PCDH7: variants seen among roughly 807,000 people sequenced by gnomAD.
PCDH7 encodes protocadherin 7.
A neutral mutation model predicts 58.9 loss-of-function variants in PCDH7; 17 were observed. The ratio of observed to expected loss-of-function variants is 0.29; its 90% confidence interval spans 0.20 to 0.43. PCDH7 has a LOEUF of 0.43. Among genes scored for constraint, PCDH7 ranks in the 20% least tolerant of loss-of-function variants. The pLI, the probability that PCDH7 is intolerant of heterozygous loss-of-function variation, is 1.00. For synonymous variants in PCDH7, 664 were observed against 616.4 expected (o/e 1.08, Z -1.14); for missense variants, 1,274 against 1,441.0 (o/e 0.88, Z 1.88).
Position 30,750,122 on chromosome 4 carries a change from G to T in PCDH7, c.70+25526G>T, listed in dbSNP as rs572552105. 7.9e-5 allele frequency among the ~76,000 whole-genome samples: 12 copies of T among 152,246 alleles called. 1 individual carries two copies. The highest frequency in any genetic ancestry group is 2.9e-4 in the African/African-American group (12 of 41,558). Reference sequence around the variant, plus strand: ...TTATTCTGCATAGAATGTAGATAATGCCATGTTAGGGAATTTCTGATCTAT... The same window carrying T: ...TTATTCTGCATAGAATGTAGATAATTCCATGTTAGGGAATTTCTGATCTAT... On this transcript the variant is annotated intron_variant, in intron 1 of 3. Coordinates refer to the PCDH7 transcript ENST00000509759.
intron 3 of PCDH7, among the ~76,000 whole-genome samples, chr4:31,032,644 CAGAG>C (rs1182132811): frequency 3.1e-5 from 3 of 95,840 alleles, no homozygotes; most frequent in East Asian, 6.0e-4. Context: ...AAGAAAGCGA[CAGAG>C]AGAGAGAGAG....
chr4:30,822,173 G>A (rs1434372221), intron 1 of PCDH7, among the ~76,000 whole-genome samples: 2 of 152,128 alleles, frequency 1.3e-5, no homozygotes, highest in Admixed American at 1.3e-4. Flanking sequence ...GGTCATGAGA[G>A]TGCCCTCCCA....
intron 3 of PCDH7, among the ~76,000 whole-genome samples, chr4:30,969,461 C>T (rs1689528406): frequency 6.6e-6 from 1 of 151,934 alleles, no homozygotes; most frequent in South Asian, 2.1e-4. Context: ...AATTGCTAAA[C>T]CAAATGAAGC....
chr4:31,001,116 G>T (rs371003644), intron 3 of PCDH7, among the ~76,000 whole-genome samples: 1 of 151,816 alleles, frequency 6.6e-6, no homozygotes, highest in Non-Finnish European at 1.5e-5. Flanking sequence ...AAGGACATTT[G>T]GGCTACATAT....
At chr4:30,733,615 A>G (rs1715833758), downstream of PCDH7, among the ~76,000 whole-genome samples, 1 of 152,176 alleles carries the variant, frequency 6.6e-6, no homozygotes, top group Admixed American at 6.5e-5. Flanking sequence ...TTATATTTGT[A>G]TCATGCTTCT....
chr4:30,854,456 GT>G (rs1262924823), intron 1 of PCDH7, among the ~76,000 whole-genome samples: 1 of 151,302 alleles, frequency 6.6e-6, no homozygotes, highest in Non-Finnish European at 1.5e-5. Flanking sequence ...TTTGTTTTGG[GT>G]TTTTTGTGGT....
At chr4:30,896,726 A>G (rs945654432) in intron 1 of PCDH7, among the ~76,000 whole-genome samples, 8 of 151,882 alleles carry the variant, frequency 5.3e-5, no homozygotes, top group African/African-American at 1.9e-4. Flanking sequence ...ATCTTGTACT[A>G]ATAATTGTGT....
At chr4:30,827,630 T>G (rs949710457) in intron 1 of PCDH7, among the ~76,000 whole-genome samples, 19 of 152,208 alleles carry the variant, frequency 1.2e-4, no homozygotes, top group Non-Finnish European at 2.9e-5. Context: ...AAAGTTAAAA[T>G]GTTATCTCAT....
At chr4:30,984,506 A>C (rs914379067) in intron 3 of PCDH7, among the ~76,000 whole-genome samples, 2 of 152,202 alleles carry the variant, frequency 1.3e-5, no homozygotes, top group African/African-American at 4.8e-5. Flanking sequence ...AGTTGGACTC[A>C]CTGACAGTAT....
intron 3 of PCDH7, among the ~76,000 whole-genome samples, chr4:30,963,587 C>CTT (rs34145221): frequency 6.6e-6 from 1 of 151,772 alleles, no homozygotes; most frequent in Admixed American, 6.6e-5. Context: ...TGTTTTTTCT[C>CTT]TTTTTTTCTT....
chr4:30,964,085 T>C (rs1488852705), intron 3 of PCDH7, among the ~76,000 whole-genome samples: 1 of 152,180 alleles, frequency 6.6e-6, no homozygotes, highest in Non-Finnish European at 1.5e-5. Flanking sequence ...CTTTATATTA[T>C]CTTATTCCAA....
At chr4:30,994,572 G>A (rs1751715567) in intron 3 of PCDH7, among the ~76,000 whole-genome samples, 1 of 152,056 alleles carries the variant, frequency 6.6e-6, no homozygotes, top group Non-Finnish European at 1.5e-5. Context: ...CTTCCTGAAG[G>A]CATTGTTGAT....
chr4:31,048,388 G>A (rs1165292510), intron 3 of PCDH7, among the ~76,000 whole-genome samples: 1 of 151,794 alleles, frequency 6.6e-6, no homozygotes, highest in Non-Finnish European at 1.5e-5. Context: ...TTTCAATAAA[G>A]ATTACATCCC....
At chr4:30,992,532 G>A (rs914395489) in intron 3 of PCDH7, among the ~76,000 whole-genome samples, 2 of 152,082 alleles carry the variant, frequency 1.3e-5, no homozygotes, top group Admixed American at 1.3e-4. Flanking sequence ...TTTTACTTTT[G>A]CTATTGTCAA....
At chr4:30,944,819 A>G (rs1172422394) in intron 2 of PCDH7, among the ~76,000 whole-genome samples, 1 of 152,220 alleles carries the variant, frequency 6.6e-6, no homozygotes, top group Non-Finnish European at 1.5e-5. Context: ...TCAATACAAT[A>G]GTCAACAGTT....
At chr4:30,770,025 C>T (rs1272462079) in intron 1 of PCDH7, among the ~76,000 whole-genome samples, 1 of 152,144 alleles carries the variant, frequency 6.6e-6, no homozygotes, top group East Asian at 1.9e-4. Flanking sequence ...AGGCTTTGTA[C>T]TTGAAAAACA....
rs1744352083 is a variant in PCDH7 at position 30,929,908 on chromosome 4, A to C, written c.287+9539A>C. On this transcript the variant is annotated intron_variant, in intron 2 of 3. Transcript: ENST00000509759. ...TGTAGCCAAAGGTCCTAGCAGCTAT[A>C]GCTGAAATTTTATACAGTGAACAGA... is the stretch of plus-strand genomic sequence containing the variant. 2.0e-5 allele frequency among the ~76,000 whole-genome samples: 3 copies of C among 152,208 alleles called. No homozygotes were observed. In the South Asian group the frequency reaches 6.2e-4, roughly 31 times the overall value.
At chr4:30,991,074 C>G (rs1390616432) in intron 3 of PCDH7, among the ~76,000 whole-genome samples, 1 of 152,068 alleles carries the variant, frequency 6.6e-6, no homozygotes, top group Non-Finnish European at 1.5e-5. Context: ...CTGTTTTTCA[C>G]GATACACCGG....
chr4:30,889,881 G>A (rs1738384843), intron 1 of PCDH7, among the ~76,000 whole-genome samples: 1 of 152,142 alleles, frequency 6.6e-6, no homozygotes, highest in Non-Finnish European at 1.5e-5. Flanking sequence ...GACCATAGCA[G>A]CATCATACTG....
Sources: gnomAD v4.1 joint callset for allele counts (sites outside exome capture counted in the v4.1 genomes callset) on GRCh38, gnomAD v4.1.1 for gene constraint, MANE v1.5 for transcripts, NCBI Gene and HGNC (gene_info 2026-07-23, HGNC 2026-07-21) for gene names.